Variants in ITGAM observed in about 807,000 individuals in gnomAD.
ITGAM encodes integrin alpha-M.
Under a neutral mutation model 137.5 loss-of-function variants are expected in ITGAM, and 79 were observed. That is an observed-to-expected ratio of 0.57 (90% CI 0.48 to 0.69). The LOEUF is 0.69. Among genes scored for constraint, ITGAM ranks in the 30% least tolerant of loss-of-function variants. The pLI is 0.00. For missense variants in ITGAM, 1,343 were observed against 1,483.5 expected, an observed-to-expected ratio of 0.91 and a Z score of 1.56; for synonymous variants, 583 against 592.3, an observed-to-expected ratio of 0.98 and a Z score of 0.23.
chr16:31,261,869 C>G, intron 2 of ITGAM, 72 bp downstream of exon 2: 1 of 845,992 alleles, frequency 1.2e-6, no homozygotes. Flanking sequence ...AAAAAATCAG[C>G]GATTTGAGTG....
chr16:31,318,311 T>C (rs2144468943), intron 14 of ITGAM, among the ~76,000 whole-genome samples: 1 of 152,002 alleles, frequency 6.6e-6, no homozygotes, highest in Middle Eastern at 3.4e-3. Flanking sequence ...TTTTTCTCCC[T>C]TTTTCCTTGG....
intron 23 of ITGAM, 75 bp downstream of exon 23, chr16:31,328,305 AGTCTGTGCATGT>A: frequency 9.1e-7 from 1 of 1,103,140 alleles, no homozygotes; most frequent in Non-Finnish European, 1.4e-6. Context: ...TGTGTGCATG[AGTCTGTGCATGT>A]GTGTGTGTGT....
intron 12 of ITGAM, among the ~76,000 whole-genome samples, chr16:31,296,950 G>T (rs1157204085): frequency 5.3e-5 from 8 of 152,086 alleles, no homozygotes; most frequent in Admixed American, 5.2e-4. Flanking sequence ...AGCCTTATTA[G>T]TCAGAGTGCC....
intron 14 of ITGAM, among the ~76,000 whole-genome samples, chr16:31,299,947 C>A (rs2080181227): frequency 6.6e-6 from 1 of 152,006 alleles, no homozygotes; most frequent in African/African-American, 2.4e-5. Flanking sequence ...AAGCCTCAAC[C>A]TCCTGGGCTC....
In ITGAM at chr16:31,275,610, C is replaced by T. The variant is rs551470084; in HGVS notation, c.920C>T (p.Pro307Leu). Residue 307 changes from proline (P) to leucine (L), a missense_variant, in exon 9 of 30, where the codon CCG (proline) becomes CTG (leucine). Pro to Leu is a moderately conservative substitution (Grantham distance 98). Coordinates refer to ENST00000544665, the MANE Select transcript of ITGAM (RefSeq NM_000632.4). Reference sequence around the variant, plus strand: ...GAGCTTAATACCATCGCATCCAAGCCGCCTCGTGATCACGTGTTCCAGGTG... The same window carrying T: ...GAGCTTAATACCATCGCATCCAAGCTGCCTCGTGATCACGTGTTCCAGGTG... ...RQELNTIASK[P>L]PRDHVFQVNN... 1.3e-5 allele frequency: 21 copies of T among 1,613,804 alleles called. No homozygotes were observed. The highest frequency in any genetic ancestry group is 1.2e-4 in the African/African-American group (9 of 74,898).
intron 19 of ITGAM, 90 bp downstream of exon 19, chr16:31,325,121 G>A (rs1453783536): frequency 1.4e-6 from 2 of 1,468,322 alleles, no homozygotes; most frequent in Non-Finnish European, 1.9e-6. Context: ...GGAGCCGGGT[G>A]TTCCTGGGCT....
chr16:31,326,224 C>T (rs181991735), intron 21 of ITGAM, among the ~76,000 whole-genome samples: 13 of 152,206 alleles, frequency 8.5e-5, no homozygotes, highest in African/African-American at 2.6e-4. Context: ...CCCAGTCCTC[C>T]CATATCCCCC....
intron 14 of ITGAM, among the ~76,000 whole-genome samples, chr16:31,316,341 C>T (rs1055582130): frequency 6.7e-6 from 1 of 149,922 alleles, no homozygotes; most frequent in African/African-American, 2.4e-5. Context: ...GAGCCTACAT[C>T]ATGCCACTGC....
chr16:31,321,274 C>T lies in ITGAM; in HGVS notation c.1741C>T (p.Gln581Ter). Residue 581 changes from glutamine to a stop codon, truncating the protein, a stop_gained, in exon 15 of 30, where the codon CAG (glutamine) becomes TAG (stop). Transcript: ENST00000544665. LOFTEE classifies it high-confidence loss of function. The part of the protein sequence containing the change: ...IAGSKLSPRL[Q>*]YFGQSLSGGQ... ...AGGCTCCAAGCTCTCTCCCAGGCTC[C>T]AGTATTTTGGTCAGTCACTGAGTGG... 6.2e-7 allele frequency: 1 copy of T among 1,613,948 alleles called. No homozygotes were observed. The highest frequency in any genetic ancestry group is 8.5e-7 in the Non-Finnish European group (1 of 1,179,880).
chr16:31,274,916 G>C (rs1365515205), intron 8 of ITGAM, among the ~76,000 whole-genome samples: 1 of 152,170 alleles, frequency 6.6e-6, no homozygotes, highest in Non-Finnish European at 1.5e-5. Flanking sequence ...ACTGCACCTG[G>C]CCTATTTAAA....
At position 31,319,428 on chromosome 16, in the gene ITGAM, T is replaced by C. The variant is rs149931326; in HGVS notation, c.1708-1813T>C. 3.3e-3 allele frequency among the ~76,000 whole-genome samples: 503 copies of C among 152,312 alleles called. 4 individuals are homozygous for C. The highest frequency in any genetic ancestry group is 0.011 in the African/African-American group (469 of 41,568). On this transcript the variant is annotated intron_variant, in intron 14 of 29. Transcript: ENST00000544665. ...AAATGGCCATTTCATCATTATATAATATCATTATTTGTTTTTTGACTTAAA... is the reference window on the plus strand; with the variant it reads ...AAATGGCCATTTCATCATTATATAACATCATTATTTGTTTTTTGACTTAAA...
At chr16:31,281,375 T>G (rs925119288) in intron 12 of ITGAM, among the ~76,000 whole-genome samples, 2 of 152,200 alleles carry the variant, frequency 1.3e-5, no homozygotes, top group African/African-American at 4.8e-5. Context: ...GGTAGGCTAT[T>G]AATTATTGCC....
chr16:31,304,992 T>A (rs553180793), intron 14 of ITGAM, among the ~76,000 whole-genome samples: 2 of 152,240 alleles, frequency 1.3e-5, no homozygotes, highest in East Asian at 3.9e-4. Flanking sequence ...ATTCTAGTTA[T>A]GTGAAAAATG....
At chr16:31,283,466 C>G (rs902600658) in intron 12 of ITGAM, among the ~76,000 whole-genome samples, 1 of 152,138 alleles carries the variant, frequency 6.6e-6, no homozygotes, top group Non-Finnish European at 1.5e-5. Context: ...TCATTTCATT[C>G]ATTTGATCTT....
intron 23 of ITGAM, among the ~76,000 whole-genome samples, chr16:31,328,849 T>C (rs954946709): frequency 2.6e-5 from 4 of 151,136 alleles, no homozygotes; most frequent in Admixed American, 2.6e-4. Context: ...TATTTGTGCA[T>C]GTGTGTGAGG....
chr16:31,331,028 G>A, intron 28 of ITGAM, 137 bp from the exon 29 acceptor site: 2 of 609,654 alleles, frequency 3.3e-6, no homozygotes, highest in South Asian at 2.0e-5. Flanking sequence ...AAGAGGTGGG[G>A]GAGGAGGACT....
chr16:31,311,503 A>C (rs1464341033), intron 14 of ITGAM, among the ~76,000 whole-genome samples: 1 of 152,254 alleles, frequency 6.6e-6, no homozygotes, highest in Non-Finnish European at 1.5e-5. Context: ...TCAAAAGAAG[A>C]CATTTATGCA....
chr16:31,276,563 C>G (rs2079908024), intron 9 of ITGAM, 108 bp from the exon 10 acceptor site: 1 of 741,040 alleles, frequency 1.3e-6, no homozygotes. Flanking sequence ...AACTCCTGAC[C>G]TCAAGTGATC....
chr16:31,328,727 T>A (rs923321421), intron 23 of ITGAM, among the ~76,000 whole-genome samples: 2 of 150,024 alleles, frequency 1.3e-5, no homozygotes, highest in Non-Finnish European at 3.0e-5. Context: ...TGTGCCTGGG[T>A]GTGTATTTGT....
Sources: gnomAD v4.1 joint callset for allele counts (sites outside exome capture counted in the v4.1 genomes callset) on GRCh38, gnomAD v4.1.1 for gene constraint, MANE v1.5 for transcripts, NCBI Gene and HGNC (gene_info 2026-07-23, HGNC 2026-07-21) for gene names.